Variants in CASKIN1 observed in about 807,000 individuals in gnomAD.
The protein encoded by CASKIN1 is CASK interacting protein 1, also known as caskin-1.
In CASKIN1, 42 loss-of-function variants were observed where a neutral mutation model predicts 117.5. The ratio of observed to expected loss-of-function variants is 0.36; its 90% CI spans 0.28 to 0.46. The LOEUF is 0.46. Ranked by LOEUF, CASKIN1 falls within the 20% of genes least tolerant of loss-of-function variation. CASKIN1 has a pLI of 1.00. For synonymous variants in CASKIN1, 1,148 were observed against 961.7 expected, an observed-to-expected ratio of 1.19 and a Z score of -3.59; for missense variants, 2,083 against 2,077.3, an observed-to-expected ratio of 1.00 and a Z score of -0.05.
intron 1 of CASKIN1, among the ~76,000 whole-genome samples, chr16:2,191,019 A>C (rs935460676): frequency 8.5e-5 from 13 of 152,182 alleles, no homozygotes; most frequent in African/African-American, 2.9e-4. Flanking sequence ...TCAGGGCCCC[A>C]GCGTCCTCCT....
chr16:2,189,678 G>A, intron 3 of CASKIN1, 114 bp from the exon 4 acceptor site: 1 of 1,053,864 alleles, frequency 9.5e-7, no homozygotes, highest in Non-Finnish European at 1.3e-6. Context: ...GGGGGTGGGA[G>A]GGCGCTAGGA....
At chr16:2,188,918 C>T in intron 6 of CASKIN1, 109 bp downstream of exon 6, 1 of 1,466,390 alleles carries the variant, frequency 6.8e-7, no homozygotes, top group Non-Finnish European at 9.1e-7. Context: ...ACCTGGGACC[C>T]TGCCTGCTCC....
chr16:2,181,780 T>TGGGGCC lies in CASKIN1; in HGVS notation c.1768+5_1768+10dup, dbSNP rs775164314. ...TTGGGCTGGGGACGAGGGCTGGGGC[T>TGGGGCC]GGGGCCTCACCCAGCTTGGTGATGC... On this transcript the variant is annotated intron_variant, in intron 17 of 19. Transcript: ENST00000343516. The TGGGGCC allele has an allele frequency of 1.3e-5, 21 of 1,611,762 alleles. No homozygotes were observed. The East Asian group carries it at 3.3e-4, about 26-fold the overall frequency.
chr16:2,180,384 G>C lies in CASKIN1; in HGVS notation c.2984C>G (p.Thr995Arg). The C allele has an allele frequency of 6.3e-7, 1 of 1,588,736 alleles. No individual in the cohort carries two copies. Residue 995 changes from threonine to arginine, a missense_variant, in exon 18 of 20, where the codon ACG becomes AGG. Transcript: ENST00000343516. ...GCTCTTCACACTGCCGGCACTACCCGTGTCCACGCTGCCGGCCAGGTCACT... is the reference window on the plus strand; with the variant it reads ...GCTCTTCACACTGCCGGCACTACCCCTGTCCACGCTGCCGGCCAGGTCACT... ...RASDLAGSVD[T>R]GSAGSVKSIA...
chr16:2,183,072 C>G (rs563732502), intron 16 of CASKIN1, among the ~76,000 whole-genome samples: 1 of 152,248 alleles, frequency 6.6e-6, no homozygotes, highest in Non-Finnish European at 1.5e-5. Context: ...CAGGCGTGAG[C>G]CACCGCGCCC....
intron 15 of CASKIN1, 40 bp from the exon 16 acceptor site, chr16:2,183,787 A>G: frequency 6.2e-7 from 1 of 1,611,734 alleles, no homozygotes; most frequent in Non-Finnish European, 8.5e-7. Flanking sequence ...GGCTGGGCCC[A>G]TCTGTGGGAC....
rs372870172 is a variant in CASKIN1 at position 2,190,097 on chromosome 16, C to T, written c.220G>A (p.Ala74Thr). 45 of 1,612,842 alleles carry T rather than the reference C, an allele frequency of 2.8e-5. No homozygotes were observed. Among genetic ancestry groups the T allele is most frequent in the Non-Finnish European group, 3.2e-5 (38 of 1,179,908 alleles). The stretch of plus-strand genomic sequence containing the variant: ...CCTTTGTTGTCCTTGATGTCCACAG[C>T]GGCCTGGGCCTCCAGCAGCAGGCTG... ...LISLLLEAQAAVDIKDNKGMR... is the reference protein window; with the variant it reads ...LISLLLEAQATVDIKDNKGMR... The change falls in exon 3 of 20, where the codon GCT becomes ACT. Residue 74 changes from alanine (A) to threonine (T), a missense_variant. By Grantham distance (58) the Ala-to-Thr change is moderately conservative (BLOSUM62 0). Coordinates refer to ENST00000343516, the MANE Select transcript of CASKIN1 (RefSeq NM_020764.4).
Position 2,194,204 on chromosome 16 carries a change from C to T in CASKIN1, c.94+2135G>A, listed in dbSNP as rs192650176. On this transcript the variant is annotated intron_variant, in intron 1 of 19. Transcript: ENST00000343516. ...CCTCGGTGCTCAGGGGTGTCCTCCACGGCATTCTTGGGCCTGCCTCCATGG... is the reference window on the plus strand; with the variant it reads ...CCTCGGTGCTCAGGGGTGTCCTCCATGGCATTCTTGGGCCTGCCTCCATGG... Among the ~76,000 whole-genome samples the T allele has an allele frequency of 2.9e-3, 443 of 152,260 alleles. 2 individuals are homozygous for T. The highest frequency in any genetic ancestry group is 0.02 in the Middle Eastern group (6 of 294).
At chr16:2,194,059 G>A (rs567807599) in intron 1 of CASKIN1, among the ~76,000 whole-genome samples, 16 of 152,240 alleles carry the variant, frequency 1.1e-4, no homozygotes, top group South Asian at 4.1e-4. Context: ...CCTTACCCCC[G>A]ACCAGCCCTC....
Position 2,182,490 on chromosome 16 carries a change from A to G in CASKIN1, c.1630-561T>C, listed in dbSNP as rs1405185309. 6.6e-6 allele frequency among the ~76,000 whole-genome samples: 1 copy of G among 151,650 alleles called. No individual in the cohort carries two copies. Among genetic ancestry groups the G allele is most frequent in the Non-Finnish European group, 1.5e-5 (1 of 67,952 alleles). ...CTCCCCGAGCGGCATTCAGGCGTCC[A>G]CACTTCCAGCTGGAATTCACTCATG... On this transcript the variant is annotated intron_variant, in intron 16 of 19. Transcript: ENST00000343516. This position sits in a 1 kb window ranked among gnomAD's most constrained non-coding sequence, Gnocchi z 4.1.
In CASKIN1 at chr16:2,179,924, G is replaced by C. The variant is rs975080412; in HGVS notation, c.3444C>G (p.Val1148=). 1.2e-6 allele frequency: 2 copies of C among 1,605,554 alleles called. No individual in the cohort carries two copies. The highest frequency in any genetic ancestry group is 2.2e-5 in the East Asian group (1 of 44,484). The change falls in exon 18 of 20, where the codon GTC becomes GTG. Residue 1148 remains valine, a synonymous_variant. Transcript: ENST00000343516. This position sits in a 1 kb window ranked among gnomAD's most constrained non-coding sequence, Gnocchi z 5.8. ...VKFILTESDT[V]KRRPKAKERE... ...GCTCCTTGGCCTTGGGCCTGCGCTT[G>C]ACCGTGTCAGACTCGGTCAGGATGA...
intron 19 of CASKIN1, 65 bp downstream of exon 19, chr16:2,178,819 CCGAGCCCCGCCCATCTCT>C (rs2093154989): frequency 7.5e-7 from 1 of 1,325,838 alleles, no homozygotes; most frequent in African/African-American, 1.7e-5. Flanking sequence ...CCCATCTCTG[CCGAGCCCCGCCCATCTCT>C]GCCGAGCCCC....
Position 2,181,497 on chromosome 16 carries a change from T to C in CASKIN1, c.1871A>G (p.Gln624Arg), listed in dbSNP as rs1171282995. 23 of 1,610,828 alleles carry C rather than the reference T, an allele frequency of 1.4e-5. No homozygotes were observed. The highest frequency in any genetic ancestry group is 5.5e-5 in the South Asian group (5 of 90,944). The change falls in exon 18 of 20, where the codon CAG becomes CGG. Residue 624 changes from glutamine to arginine, a missense_variant. Gln to Arg is a conservative substitution (Grantham distance 43). Coordinates refer to ENST00000343516, the MANE Select transcript of CASKIN1 (RefSeq NM_020764.4). ...EGGPLRRKAP[Q>R]SLEVMAIESP... ...CTCGATGGCCATCACTTCAAGAGAC[T>C]GGGGCGCCTTCCGGCGCAGGGGGCC... is the stretch of plus-strand genomic sequence containing the variant.
intron 1 of CASKIN1, among the ~76,000 whole-genome samples, chr16:2,194,040 C>T (rs771901675): frequency 6.6e-6 from 1 of 152,126 alleles, no homozygotes; most frequent in Non-Finnish European, 1.5e-5. Context: ...GACTCTATGA[C>T]AGTAAAGGCC....
chr16:2,190,448 G>T (rs561457842), intron 1 of CASKIN1, 90 bp from the exon 2 acceptor site: 2 of 1,184,144 alleles, frequency 1.7e-6, no homozygotes, highest in Admixed American at 2.1e-5. Context: ...CCATCTCCCC[G>T]GCAGGCACAA....
Position 2,180,104 on chromosome 16 carries a change from G to A in CASKIN1, c.3264C>T (p.Gly1088=), listed in dbSNP as rs544331594. 1.4e-5 allele frequency: 21 copies of A among 1,554,004 alleles called. No individual in the cohort carries two copies. Among genetic ancestry groups the A allele is most frequent in the Admixed American group, 5.7e-5 (3 of 52,500 alleles). The change falls in exon 18 of 20, where the codon GGC becomes GGT. Residue 1088 remains glycine, a synonymous_variant. Transcript: ENST00000343516. Reference sequence around the variant, plus strand: ...GGCCAGTGCCATCCTCCACAAAGGGGCCTGGGTCTGCCGACTCCCCAGGCC... The same window carrying A: ...GGCCAGTGCCATCCTCCACAAAGGGACCTGGGTCTGCCGACTCCCCAGGCC... ...RRGPGESADP[G]PFVEDGTGRQ... is the part of the protein sequence containing the mutation.
chr16:2,190,208 G>A (rs1567263528), intron 2 of CASKIN1, 38 bp from the exon 3 acceptor site: 8 of 1,608,564 alleles, frequency 5.0e-6, no homozygotes, highest in African/African-American at 1.3e-5. Flanking sequence ...AGAGGCCCTG[G>A]CGCCCCGGCC....
rs2093157248 is a variant in CASKIN1, at chr16:2,179,176, C to G, written c.3925G>C (p.Ala1309Pro). 9.0e-7 allele frequency: 1 copy of G among 1,112,538 alleles called. No individual in the cohort carries two copies. The highest frequency in any genetic ancestry group is 1.7e-5 in the African/African-American group (1 of 59,642). The allele number at this position is 1,112,538 out of a possible 1,614,324, so 68.9% of individuals were successfully genotyped here. A position where few individuals can be genotyped will look rare whatever the true frequency, so the allele number is the denominator to read the frequency against. The change falls in exon 19 of 20, where the codon GCC (alanine) becomes CCC (proline). Residue 1309 changes from alanine (A) to proline (P), a missense_variant. By Grantham distance (27) the Ala-to-Pro change is conservative (BLOSUM62 -1). Coordinates refer to ENST00000343516, the MANE Select transcript of CASKIN1 (RefSeq NM_020764.4). This position sits in a 1 kb window ranked among gnomAD's most constrained non-coding sequence, Gnocchi z 5.8. Reference protein sequence around the residue: ...PAPSPARQPPAALAKPPGTPP... With the variant: ...PAPSPARQPPPALAKPPGTPP... ...GTACCGGGCGGCTTGGCGAGGGCGGCGGGCGGCTGTCGCGCGGGCGAGGGT... is the reference window on the plus strand; with the variant it reads ...GTACCGGGCGGCTTGGCGAGGGCGGGGGGCGGCTGTCGCGCGGGCGAGGGT...
intron 17 of CASKIN1, 68 bp from the exon 18 acceptor site, chr16:2,181,667 G>T: frequency 6.8e-7 from 1 of 1,472,062 alleles, no homozygotes; most frequent in South Asian, 1.3e-5. Context: ...GGCTAGGGGC[G>T]GGGCTGGGCT....
Sources: gnomAD v4.1 joint callset for allele counts (sites outside exome capture counted in the v4.1 genomes callset) on GRCh38, gnomAD v4.1.1 for gene constraint, Gnocchi (gnomAD v3.1) non-coding constraint, MANE v1.5 for transcripts, NCBI Gene and HGNC (gene_info 2026-07-23, HGNC 2026-07-21) for gene names.